Variants in KAT14 observed in about 807,000 individuals in gnomAD.
The protein encoded by KAT14 is cysteine-rich protein 2-binding protein.
KAT14 carries 66 observed loss-of-function variants against 78.4 expected under a neutral mutation model. The ratio of observed to expected loss-of-function variants is 0.84; its 90% CI spans 0.69 to 1.03. KAT14 has a LOEUF of 1.03. Ranked by LOEUF, KAT14 falls within the 50% of genes least tolerant of loss-of-function variation. The pLI, the probability that KAT14 is intolerant of heterozygous loss-of-function variation, is 0.00. For missense variants in KAT14, 870 were observed against 972.5 expected (o/e 0.89, Z 1.40); for synonymous variants, 344 against 359.4 (o/e 0.96, Z 0.48).
chr20:18,178,423 A>C (rs1983194313), intron 7 of KAT14, among the ~76,000 whole-genome samples: 1 of 152,114 alleles, frequency 6.6e-6, no homozygotes, highest in South Asian at 2.1e-4. Flanking sequence ...GCTGCTGATA[A>C]AGACATACCT....
chr20:18,137,923 C>T lies in KAT14; in HGVS notation c.-582C>T. 2.0e-6 allele frequency: 3 copies of T among 1,468,148 alleles called. No homozygotes were observed. The highest frequency in any genetic ancestry group is 2.6e-5 in the South Asian group (2 of 77,160). The allele number at this position is 1,468,148 out of a possible 1,614,324, so 90.9% of individuals were successfully genotyped here. On this transcript the variant is annotated 5_prime_UTR_variant, in exon 1 of 11. Coordinates refer to ENST00000688188, the MANE Select transcript of KAT14 (RefSeq NM_001392073.1). ...CGGCGGCCTCTGCGCCTCGGGCGGG[C>T]GGGAGAGAGAGGCCGCGGCCGCCAG...
chr20:18,160,833 G>A (rs958646194), intron 5 of KAT14, among the ~76,000 whole-genome samples: 3 of 151,994 alleles, frequency 2.0e-5, no homozygotes, highest in Non-Finnish European at 4.4e-5. Flanking sequence ...ACATCAAAGG[G>A]CATATTCATT....
Position 18,187,712 on chromosome 20 carries a change from T to C in KAT14, c.*253T>C. 1 of 469,410 alleles carries C rather than the reference T, an allele frequency of 2.1e-6. No homozygotes were observed. Among genetic ancestry groups the C allele is most frequent in the Non-Finnish European group, 3.7e-6 (1 of 269,512 alleles). The allele number at this position is 469,410 out of a possible 1,614,324, so 29.1% of individuals were successfully genotyped here. On this transcript the variant is annotated 3_prime_UTR_variant, in exon 11 of 11. Coordinates refer to ENST00000688188, the MANE Select transcript of KAT14 (RefSeq NM_001392073.1). ...AGACTCCACAGTTATTTATGAATGA[T>C]GTCGTGATTCTCCCTCCACCTGACA...
chr20:18,171,111 A>G (rs1022366365), intron 7 of KAT14, among the ~76,000 whole-genome samples: 1 of 152,214 alleles, frequency 6.6e-6, no homozygotes, highest in Non-Finnish European at 1.5e-5. Flanking sequence ...TCTAGATGCC[A>G]TTAAGAACAT....
At position 18,183,314 on chromosome 20, in the gene KAT14, CA is replaced by C; in HGVS notation, c.1981+19del. On this transcript the variant is annotated intron_variant, in intron 9 of 10. Coordinates refer to ENST00000688188, the MANE Select transcript of KAT14 (RefSeq NM_001392073.1). ...TTTTGGCCTGGTATGTTCCCCCTCC[CA>C]AACCAGGCAGGTCATTTTTCTGTAC... 6.2e-7 allele frequency: 1 copy of C among 1,607,484 alleles called. No homozygotes were observed.
intron 3 of KAT14, among the ~76,000 whole-genome samples, 178 bp downstream of exon 3, chr20:18,145,529 C>T (rs1286982717): frequency 6.6e-6 from 1 of 152,130 alleles, no homozygotes; most frequent in Non-Finnish European, 1.5e-5. Context: ...CGCTGTAATC[C>T]CAGCACTCTG....
At chr20:18,160,286 C>T (rs1418538211) in intron 5 of KAT14, among the ~76,000 whole-genome samples, 1 of 152,176 alleles carries the variant, frequency 6.6e-6, no homozygotes. Flanking sequence ...CCCCCACCTG[C>T]CTATGGCCTG....
At chr20:18,155,238 C>G (rs761596945) in intron 4 of KAT14, among the ~76,000 whole-genome samples, 4 of 152,160 alleles carry the variant, frequency 2.6e-5, no homozygotes, top group Non-Finnish European at 5.9e-5. Context: ...GTCACAAGAT[C>G]TAAGAGAATG....
At chr20:18,172,788 C>T (rs1348242144) in intron 7 of KAT14, among the ~76,000 whole-genome samples, 2 of 152,012 alleles carry the variant, frequency 1.3e-5, no homozygotes, top group Non-Finnish European at 2.9e-5. Flanking sequence ...TGCCTTTATA[C>T]CTTGTAATTT....
intron 1 of KAT14, among the ~76,000 whole-genome samples, chr20:18,141,023 A>ATTTTTTTTTTTTTTTTTTT (rs67633205): frequency 8.8e-4 from 43 of 48,746 alleles, no homozygotes; most frequent in Non-Finnish European, 1.0e-3. Context: ...ACTCCCTGCA[A>ATTTTTTTTTTTTTTTTTTT]TTTTTTTTTT....
intron 10 of KAT14, among the ~76,000 whole-genome samples, chr20:18,186,207 C>T (rs1464002726): frequency 6.6e-6 from 1 of 152,144 alleles, no homozygotes; most frequent in Non-Finnish European, 1.5e-5. Context: ...AGGAGTGGTT[C>T]ATCTTTGCAG....
At chr20:18,161,016 A>G (rs940860856) in intron 5 of KAT14, among the ~76,000 whole-genome samples, 2 of 152,058 alleles carry the variant, frequency 1.3e-5, no homozygotes, top group African/African-American at 4.8e-5. Context: ...CTGTACAAAA[A>G]TACAAAAATC....
intron 9 of KAT14, chr20:18,183,585 A>G (rs2039345870): frequency 6.2e-6 from 6 of 966,572 alleles, no homozygotes; most frequent in African/African-American, 1.8e-5. Flanking sequence ...ATACCAGGTA[A>G]TGTCTATCAA....
intron 4 of KAT14, among the ~76,000 whole-genome samples, chr20:18,157,473 A>T (rs2038265254): frequency 6.6e-6 from 1 of 152,196 alleles, no homozygotes; most frequent in African/African-American, 2.4e-5. Context: ...GTGAAAATTT[A>T]CCATCTTAAC....
chr20:18,150,782 C>G, intron 3 of KAT14, 39 bp from the exon 4 acceptor site: 1 of 1,612,864 alleles, frequency 6.2e-7, no homozygotes, highest in East Asian at 2.2e-5. Flanking sequence ...CATCCCTAAC[C>G]GTGCTGTTCT....
intron 1 of KAT14, among the ~76,000 whole-genome samples, chr20:18,139,480 C>G (rs2037439373): frequency 6.6e-6 from 1 of 152,164 alleles, no homozygotes; most frequent in Non-Finnish European, 1.5e-5. Flanking sequence ...GTCCCCACCC[C>G]AGACCATTTA....
intron 4 of KAT14, among the ~76,000 whole-genome samples, chr20:18,152,212 G>A (rs1194786768): frequency 2.0e-5 from 3 of 152,038 alleles, no homozygotes; most frequent in Admixed American, 6.6e-5. Context: ...GGAGACCAAG[G>A]TTGGAGGATC....
intron 7 of KAT14, among the ~76,000 whole-genome samples, chr20:18,167,635 T>A (rs1000126740): frequency 7.2e-5 from 11 of 152,228 alleles, no homozygotes; most frequent in Non-Finnish European, 1.6e-4. Context: ...TTGTTATTTT[T>A]CTCATTATTT....
chr20:18,185,956 C>G (rs932584183), intron 10 of KAT14, among the ~76,000 whole-genome samples: 12 of 152,176 alleles, frequency 7.9e-5, no homozygotes, highest in Admixed American at 6.5e-4. Context: ...CTCTTGAGAG[C>G]TTCTCAGTTA....
Sources: gnomAD v4.1 joint callset for allele counts (sites outside exome capture counted in the v4.1 genomes callset) on GRCh38, gnomAD v4.1.1 for gene constraint, MANE v1.5 for transcripts, NCBI Gene and HGNC (gene_info 2026-07-23, HGNC 2026-07-21) for gene names.